The following ERI3 variants were observed in gnomAD, a reference collection of about 807,000 sequenced individuals.
ERI3 encodes the protein ERI1 exoribonuclease 3.
A neutral mutation model predicts 44.4 loss-of-function variants in ERI3; 18 were observed. The ratio of observed to expected loss-of-function variants is 0.41; its 90% CI spans 0.28 to 0.60. The LOEUF is 0.60. ERI3 is among the 20% of genes least tolerant of loss of function. The pLI, the probability that ERI3 is intolerant of heterozygous loss-of-function variation, is 0.36. For synonymous variants in ERI3, 183 were observed against 164.8 expected (o/e 1.11, Z -0.84); for missense variants, 294 against 435.5 (o/e 0.68, Z 2.89).
At chr1:44,223,934 T>C (rs146418879) in intron 8 of ERI3, among the ~76,000 whole-genome samples, 213 of 152,318 alleles carry the variant, frequency 1.4e-3, no homozygotes, top group African/African-American at 4.8e-3. Flanking sequence ...CATCTCTTTC[T>C]AGATAAACCC....
chr1:44,330,253 G>T (rs938622398), intron 3 of ERI3, among the ~76,000 whole-genome samples: 1 of 152,188 alleles, frequency 6.6e-6, no homozygotes, highest in Non-Finnish European at 1.5e-5. Context: ...CTCCAAATAA[G>T]TGCCTCTGCC....
At chr1:44,262,750 C>T (rs1172110746) in intron 7 of ERI3, among the ~76,000 whole-genome samples, 2 of 152,188 alleles carry the variant, frequency 1.3e-5, no homozygotes, top group Non-Finnish European at 2.9e-5. Flanking sequence ...CCTAAGCGGA[C>T]CTTCAGCAGA....
chr1:44,350,450 C>T (rs1461691074), intron 2 of ERI3, among the ~76,000 whole-genome samples: 4 of 151,930 alleles, frequency 2.6e-5, no homozygotes, highest in East Asian at 1.9e-4. Context: ...TTAGTAGAAA[C>T]GGGGTTTCGC....
chr1:44,267,700 C>T (rs1194180164), intron 7 of ERI3, among the ~76,000 whole-genome samples: 1 of 152,248 alleles, frequency 6.6e-6, no homozygotes, highest in African/African-American at 2.4e-5. Flanking sequence ...CAAGTAGGTG[C>T]CAAGCCCAGG....
chr1:44,262,858 C>T (rs1170440959), intron 7 of ERI3, among the ~76,000 whole-genome samples: 1 of 152,162 alleles, frequency 6.6e-6, no homozygotes, highest in Non-Finnish European at 1.5e-5. Context: ...TTCCCTGCTT[C>T]CCTCCCTCTA....
At chr1:44,295,237 T>C (rs1645586567) in intron 6 of ERI3, among the ~76,000 whole-genome samples, 1 of 152,062 alleles carries the variant, frequency 6.6e-6, no homozygotes. Flanking sequence ...CTTTTCCCCA[T>C]CTTCAACCAG....
chr1:44,335,794 A>T (rs1409103958), intron 3 of ERI3, among the ~76,000 whole-genome samples: 11 of 151,434 alleles, frequency 7.3e-5, no homozygotes. Flanking sequence ...AAAAAAAAAA[A>T]GAATCAAAGA....
chr1:44,323,099 CAGGA>C (rs1273126659), intron 3 of ERI3: 29 of 474,924 alleles, frequency 6.1e-5, no homozygotes, highest in South Asian at 1.1e-4. Flanking sequence ...AAAGTAGCAC[CAGGA>C]AGGAAGGAAG....
chr1:44,340,454 C>T (rs1278463844), intron 2 of ERI3, among the ~76,000 whole-genome samples: 4 of 152,278 alleles, frequency 2.6e-5, no homozygotes, highest in African/African-American at 9.6e-5. Flanking sequence ...CAAAGGCTTG[C>T]CTCTGATGGC....
chr1:44,308,518 C>G lies in ERI3; in HGVS notation c.667-117G>C. 4.8e-6 allele frequency: 4 copies of G among 831,618 alleles called. No individual in the cohort carries two copies. The South Asian group carries it at 5.9e-5, about 12-fold the overall frequency. 51.5% of individuals were successfully genotyped at this position (831,618 alleles called of 1,614,324 possible). A position where few individuals can be genotyped will look rare whatever the true frequency, so the allele number is the denominator to read the frequency against. On this transcript the variant is annotated intron_variant, in intron 5 of 8. Coordinates refer to ENST00000372257, the MANE Select transcript of ERI3 (RefSeq NM_024066.3). ...AATCAGAACAGGAGAAAATTGTAAT[C>G]TTATCCAGCCATGGCTCCACTGTGG...
intron 7 of ERI3, among the ~76,000 whole-genome samples, chr1:44,270,420 C>A (rs1291416239): frequency 2.6e-5 from 4 of 152,158 alleles, no homozygotes; most frequent in Non-Finnish European, 5.9e-5. Context: ...AGCCCATACA[C>A]AATAACAAAG....
chr1:44,328,607 T>TTATA (rs1026563783), intron 3 of ERI3, among the ~76,000 whole-genome samples: 8 of 152,306 alleles, frequency 5.3e-5, no homozygotes, highest in African/African-American at 1.9e-4. Flanking sequence ...TATATTCAGA[T>TTATA]TATATTTCAG....
In ERI3 at chr1:44,297,120, C is replaced by T. The variant is rs77758858; in HGVS notation, c.758+11190G>A. 4.5e-3 allele frequency among the ~76,000 whole-genome samples: 689 copies of T among 152,240 alleles called. 3 individuals are homozygous for T. The highest frequency in any genetic ancestry group is 0.016 in the African/African-American group (648 of 41,540). On this transcript the variant is annotated intron_variant, in intron 6 of 8. Coordinates refer to ENST00000372257, the MANE Select transcript of ERI3 (RefSeq NM_024066.3). Reference sequence around the variant, plus strand: ...CAGAGAAAAAGGCCTGTCAGGCTCCCGGGATTCTCTGGGCTGGCTGGCTTT... The same window carrying T: ...CAGAGAAAAAGGCCTGTCAGGCTCCTGGGATTCTCTGGGCTGGCTGGCTTT...
At chr1:44,314,339 G>T (rs549170158) in intron 4 of ERI3, among the ~76,000 whole-genome samples, 241 of 152,184 alleles carry the variant, frequency 1.6e-3, no homozygotes, top group African/African-American at 5.4e-3. Flanking sequence ...CTCTAGGTGG[G>T]TTTCTGTAGT....
At chr1:44,317,144 G>GCACACACACA (rs10670781) in intron 4 of ERI3, among the ~76,000 whole-genome samples, 9,256 of 151,070 alleles carry the variant, frequency 0.061, 374 homozygotes, top group Non-Finnish European at 0.09. Flanking sequence ...GCATGTGCGT[G>GCACACACACA]CACACACACA....
chr1:44,242,695 C>A (rs1644464823), intron 8 of ERI3, among the ~76,000 whole-genome samples: 1 of 152,178 alleles, frequency 6.6e-6, no homozygotes, highest in Admixed American at 6.5e-5. Context: ...CTTGGTACCA[C>A]CCCCTTTCCT....
chr1:44,348,903 A>G (rs976352792), intron 2 of ERI3, among the ~76,000 whole-genome samples: 1 of 152,346 alleles, frequency 6.6e-6, no homozygotes, highest in South Asian at 2.1e-4. Context: ...TTCATATGGT[A>G]TCAAGGACAA....
At chr1:44,326,741 G>A (rs1005249214) in intron 3 of ERI3, among the ~76,000 whole-genome samples, 2 of 152,108 alleles carry the variant, frequency 1.3e-5, no homozygotes, top group Non-Finnish European at 2.9e-5. Context: ...GTAAAAAATC[G>A]GAGCTTTAAA....
intron 3 of ERI3, among the ~76,000 whole-genome samples, chr1:44,326,794 T>C (rs1297792349): frequency 3.3e-5 from 5 of 152,212 alleles, no homozygotes; most frequent in Non-Finnish European, 7.3e-5. Context: ...CCCATCTCCA[T>C]AGACCCCAAA....
Sources: gnomAD v4.1 joint callset for allele counts (sites outside exome capture counted in the v4.1 genomes callset) on GRCh38, gnomAD v4.1.1 for gene constraint, MANE v1.5 for transcripts, NCBI Gene and HGNC (gene_info 2026-07-23, HGNC 2026-07-21) for gene names.